The following ADAMTS20 variants were observed in gnomAD, a reference collection of about 807,000 sequenced individuals.
The protein encoded by ADAMTS20 is A disintegrin and metalloproteinase with thrombospondin motifs 20.
Under a neutral mutation model 260.1 loss-of-function variants are expected in ADAMTS20, and 225 were observed. That is an observed-to-expected ratio of 0.87 (90% CI 0.78 to 0.97). The LOEUF (loss-of-function observed/expected upper bound fraction) is 0.97, where lower values mean the gene tolerates loss of function less well. ADAMTS20 is among the 50% of genes least tolerant of loss of function. ADAMTS20 has a pLI of 0.00. For missense variants in ADAMTS20, 2,400 were observed against 2,337.7 expected (o/e 1.03, Z -0.55); for synonymous variants, 802 against 769.5 (o/e 1.04, Z -0.70).
rs75985234 is a variant in ADAMTS20 at position 43,402,963 on chromosome 12, C to T, written c.4285-3730G>A. Among the ~76,000 whole-genome samples, 691 of 152,080 alleles carry T rather than the reference C, an allele frequency of 4.5e-3. 6 individuals are homozygous for T. The highest frequency in any genetic ancestry group is 0.016 in the African/African-American group (662 of 41,534). ...GATACTAAATAAACATACAAGTGCC[C>T]TGAACTGATAATTCTTATAAATTAT... is the stretch of plus-strand genomic sequence containing the variant. On this transcript the variant is annotated intron_variant, in intron 28 of 38. Coordinates refer to ENST00000389420, the MANE Select transcript of ADAMTS20 (RefSeq NM_025003.5).
At chr12:43,406,413 TA>T in intron 28 of ADAMTS20, among the ~76,000 whole-genome samples, 1 of 152,180 alleles carries the variant, frequency 6.6e-6, no homozygotes, top group East Asian at 1.9e-4. Context: ...AATAATTCTT[TA>T]AATGATGTTT....
intron 7 of ADAMTS20, among the ~76,000 whole-genome samples, chr12:43,477,481 C>T (rs1025449433): frequency 2.6e-5 from 4 of 152,100 alleles, no homozygotes; most frequent in Non-Finnish European, 5.9e-5. Flanking sequence ...CCTATTTCTA[C>T]AAGTGTGGAA....
chr12:43,420,274 G>T (rs1941201354), intron 28 of ADAMTS20, among the ~76,000 whole-genome samples: 1 of 152,048 alleles, frequency 6.6e-6, no homozygotes, highest in African/African-American at 2.4e-5. Context: ...ACAGTGCCTG[G>T]TTTATTTTTA....
At position 43,393,299 on chromosome 12, in the gene ADAMTS20, G is replaced by A. The variant is rs372231391; in HGVS notation, c.4452+5767C>T. On this transcript the variant is annotated intron_variant, in intron 29 of 38. Coordinates refer to ENST00000389420, the MANE Select transcript of ADAMTS20 (RefSeq NM_025003.5). ...AAAAAATCCAGGTAATGAATGTAAA[G>A]GCATTGTGAAGCTGTAAGTGCAATT... is the stretch of plus-strand genomic sequence containing the variant. Among the ~76,000 whole-genome samples, 216 of 152,074 alleles carry A rather than the reference G, an allele frequency of 1.4e-3. 1 individual carries two copies. Among genetic ancestry groups the A allele is most frequent in the Middle Eastern group, 6.8e-3 (2 of 292 alleles).
Position 43,532,148 on chromosome 12 carries a change from T to C in ADAMTS20, c.501A>G (p.Ile167Met). ...CATATTCATTCCCATCTGCCTTCAT[T>C]ATAGGTTCTAAGAAATATTCACCGT... The part of the protein sequence containing the change: ...GQNGEYFLEP[I>M]MKADGNEYED... Residue 167 changes from isoleucine to methionine, a missense_variant, in exon 3 of 39, where the codon ATA (isoleucine) becomes ATG (methionine). By Grantham distance (10) the Ile-to-Met change is conservative (BLOSUM62 1). Coordinates refer to ENST00000389420, the MANE Select transcript of ADAMTS20 (RefSeq NM_025003.5). 1 of 1,611,974 alleles carries C rather than the reference T, an allele frequency of 6.2e-7. No homozygotes were observed.
At chr12:43,399,660 T>TA (rs1940771576) in intron 28 of ADAMTS20, among the ~76,000 whole-genome samples, 1 of 152,140 alleles carries the variant, frequency 6.6e-6, no homozygotes, top group Non-Finnish European at 1.5e-5. Flanking sequence ...TTTTCTATGT[T>TA]AAAAAATTTT....
intron 10 of ADAMTS20, among the ~76,000 whole-genome samples, chr12:43,464,203 C>CT (rs1942113056): frequency 2.6e-5 from 4 of 152,028 alleles, no homozygotes; most frequent in Admixed American, 1.3e-4. Flanking sequence ...AAAATGTACT[C>CT]TATTAGTTAG....
At chr12:43,492,672 G>A (rs778285414) in intron 5 of ADAMTS20, 43 bp from the exon 6 acceptor site, 51 of 1,602,436 alleles carry the variant, frequency 3.2e-5, no homozygotes, top group Middle Eastern at 1.7e-4. Flanking sequence ...AAATATTAAC[G>A]TCCTCTTTTC....
chr12:43,470,691 C>T (rs1223619974), intron 7 of ADAMTS20, among the ~76,000 whole-genome samples: 1 of 152,164 alleles, frequency 6.6e-6, no homozygotes, highest in African/African-American at 2.4e-5. Flanking sequence ...AATCATTCTG[C>T]AACATATTTT....
intron 3 of ADAMTS20, among the ~76,000 whole-genome samples, chr12:43,513,645 A>G (rs1942955506): frequency 6.6e-6 from 1 of 152,188 alleles, no homozygotes; most frequent in African/African-American, 2.4e-5. Flanking sequence ...ACAGTAGCAA[A>G]GACTTGGAAC....
intron 31 of ADAMTS20, 118 bp downstream of exon 31, chr12:43,383,440 T>A: frequency 1.0e-6 from 1 of 959,936 alleles, no homozygotes; most frequent in Non-Finnish European, 1.5e-6. Flanking sequence ...TAGATTGATA[T>A]GCATACCATC....
rs1941416629 is a variant in ADAMTS20, at chr12:43,430,337, C to G, written c.3381+15G>C. The stretch of plus-strand genomic sequence containing the variant: ...CTCATAAATCTTTTTGTTTGTAAAC[C>G]ATGATTCTTTTTACCTGTCTGTCAC... On this transcript the variant is annotated intron_variant, in intron 23 of 38. Transcript: ENST00000389420. 2 of 1,605,210 alleles carry G rather than the reference C, an allele frequency of 1.2e-6. No individual in the cohort carries two copies. Among genetic ancestry groups the G allele is most frequent in the Non-Finnish European group, 1.7e-6 (2 of 1,175,992 alleles).
chr12:43,498,166 AAT>A (rs1942703372), intron 4 of ADAMTS20, among the ~76,000 whole-genome samples: 2 of 152,172 alleles, frequency 1.3e-5, no homozygotes, highest in Non-Finnish European at 2.9e-5. Context: ...CACTAATTTT[AAT>A]GTTAATTCCA....
chr12:43,494,968 A>G (rs1374550000), intron 4 of ADAMTS20, among the ~76,000 whole-genome samples: 1 of 152,204 alleles, frequency 6.6e-6, no homozygotes, highest in Admixed American at 6.5e-5. Flanking sequence ...TCAGAATAAT[A>G]TGCATATCCA....
intron 32 of ADAMTS20, 140 bp downstream of exon 32, chr12:43,377,225 A>G (rs935968571): frequency 3.3e-6 from 2 of 605,052 alleles, no homozygotes; most frequent in Admixed American, 6.6e-5. Context: ...ATTTATATAA[A>G]TAACTGGTAA....
At chr12:43,397,145 A>G (rs1230214631) in intron 29 of ADAMTS20, among the ~76,000 whole-genome samples, 1 of 152,224 alleles carries the variant, frequency 6.6e-6, no homozygotes, top group African/African-American at 2.4e-5. Flanking sequence ...ATAATTTAAG[A>G]GATGGTGAGT....
intron 11 of ADAMTS20, 40 bp from the exon 12 acceptor site, chr12:43,454,092 T>C: frequency 6.3e-7 from 1 of 1,594,062 alleles, no homozygotes; most frequent in South Asian, 1.1e-5. Flanking sequence ...GATGTGTGTC[T>C]CTAATTAGAA....
intron 3 of ADAMTS20, among the ~76,000 whole-genome samples, chr12:43,528,892 C>T (rs1165706652): frequency 1.3e-5 from 2 of 152,022 alleles, no homozygotes; most frequent in Non-Finnish European, 2.9e-5. Flanking sequence ...AATATATTTG[C>T]AAACTATGCA....
At chr12:43,521,764 T>C (rs73085587) in intron 3 of ADAMTS20, among the ~76,000 whole-genome samples, 8,606 of 152,208 alleles carry the variant, frequency 0.057, 321 homozygotes, top group Middle Eastern at 0.16. Flanking sequence ...AGTTCTTTCA[T>C]AACTGGTCTC....
Sources: allele counts gnomAD v4.1 joint callset (sites outside exome capture counted in the v4.1 genomes callset), GRCh38; gene constraint gnomAD v4.1.1; transcripts MANE v1.5; gene names NCBI Gene and HGNC (gene_info 2026-07-23, HGNC 2026-07-21).